HPSE2: variants seen among roughly 807,000 people sequenced by gnomAD.
HPSE2 encodes the protein inactive heparanase-2.
HPSE2 carries 38 observed loss-of-function variants against 60.5 expected under a neutral mutation model. That is an observed-to-expected ratio of 0.63 (90% confidence interval 0.48 to 0.82). The LOEUF is 0.82. HPSE2 is among the 40% of genes least tolerant of loss of function. The probability of loss-of-function intolerance (pLI) is 0.00; values close to 1 mark genes in which losing one functional copy is unlikely to be tolerated. For synonymous variants in HPSE2, 295 were observed against 293.2 expected, an observed-to-expected ratio of 1.01 and a Z score of -0.06; for missense variants, 713 against 740.4, an observed-to-expected ratio of 0.96 and a Z score of 0.43.
intron 9 of HPSE2, among the ~76,000 whole-genome samples, chr10:98,564,377 G>T (rs906602291): frequency 1.3e-5 from 2 of 152,106 alleles, no homozygotes; most frequent in Non-Finnish European, 1.5e-5. Context: ...GCATTTTTTT[G>T]AGGATGAAGT....
At chr10:98,731,672 T>C (rs1039614203) in intron 4 of HPSE2, among the ~76,000 whole-genome samples, 6 of 152,152 alleles carry the variant, frequency 3.9e-5, no homozygotes, top group African/African-American at 1.2e-4. Flanking sequence ...AACATCATAC[T>C]TAATGGTGAA....
the HPSE2 span, among the ~76,000 whole-genome samples, chr10:99,264,038 C>T: frequency 9.4e-3 from 1,425 of 152,086 alleles, 15 homozygotes; most frequent in Admixed American, 0.034. Context: ...ATCTCAACCA[C>T]GCTATCAATC....
intron 9 of HPSE2, among the ~76,000 whole-genome samples, chr10:98,546,497 C>G (rs1943679912): frequency 6.6e-6 from 1 of 151,440 alleles, no homozygotes; most frequent in African/African-American, 2.4e-5. Flanking sequence ...AGAAATAACG[C>G]CGCATACCTA....
chr10:99,218,886 G>C (rs1849221464), intron 2 of HPSE2, among the ~76,000 whole-genome samples: 1 of 152,104 alleles, frequency 6.6e-6, no homozygotes, highest in Admixed American at 6.5e-5. Context: ...ATTCGTAATG[G>C]CCAGGCAAAT....
At chr10:98,575,283 A>G (rs1944611355) in intron 9 of HPSE2, among the ~76,000 whole-genome samples, 1 of 152,324 alleles carries the variant, frequency 6.6e-6, no homozygotes, top group East Asian at 1.9e-4. Context: ...CTAGGATTGG[A>G]ATACAGGTAC....
Position 99,170,888 on chromosome 10 carries a change from T to G in HPSE2, c.449-26489A>C, listed in dbSNP as rs7077818. ...TTGTGTCTATACAGGTACAGACTTTTTCTTGTCATTATTCTCTAAACAATA... is the reference window on the plus strand; with the variant it reads ...TTGTGTCTATACAGGTACAGACTTTGTCTTGTCATTATTCTCTAAACAATA... On this transcript the variant is annotated intron_variant, in intron 2 of 11. Transcript: ENST00000370552. Among the ~76,000 whole-genome samples the G allele has an allele frequency of 1.8e-3, 272 of 152,348 alleles. 2 individuals are homozygous for G. The highest frequency in any genetic ancestry group is 6.3e-3 in the African/African-American group (264 of 41,584).
At chr10:98,963,573 C>T (rs1955737116) in intron 3 of HPSE2, among the ~76,000 whole-genome samples, 1 of 152,060 alleles carries the variant, frequency 6.6e-6, no homozygotes, top group Non-Finnish European at 1.5e-5. Context: ...CTTGTGCCAC[C>T]TTGTTTTATA....
At chr10:98,879,906 CTACT>C (rs987429846) in intron 3 of HPSE2, among the ~76,000 whole-genome samples, 1 of 147,792 alleles carries the variant, frequency 6.8e-6, no homozygotes, top group Non-Finnish European at 1.5e-5. Flanking sequence ...CTGCAGAATC[CTACT>C]CCACCAGGGA....
At chr10:99,159,988 A>C (rs1846757614) in intron 2 of HPSE2, among the ~76,000 whole-genome samples, 1 of 151,846 alleles carries the variant, frequency 6.6e-6, no homozygotes, top group Non-Finnish European at 1.5e-5. Flanking sequence ...TAAAAATATA[A>C]AAGTTAGCCA....
At chr10:98,475,310 C>T (rs941440989) in intron 11 of HPSE2, among the ~76,000 whole-genome samples, 3 of 151,948 alleles carry the variant, frequency 2.0e-5, no homozygotes, top group Admixed American at 1.3e-4. Flanking sequence ...TTAGTACAGA[C>T]GGGGTTTCAC....
At chr10:98,521,325 A>G (rs1942785435) in intron 9 of HPSE2, among the ~76,000 whole-genome samples, 1 of 152,240 alleles carries the variant, frequency 6.6e-6, no homozygotes, top group Non-Finnish European at 1.5e-5. Context: ...TGGGCAAAGG[A>G]TATGAACAGA....
chr10:99,247,935 T>C, the HPSE2 span, among the ~76,000 whole-genome samples: 2 of 152,232 alleles, frequency 1.3e-5, no homozygotes, highest in African/African-American at 2.4e-5. Flanking sequence ...ACTTCTGCCA[T>C]GATTGTAAGT....
In HPSE2 at chr10:99,208,179, A is replaced by T. The variant is rs182566198; in HGVS notation, c.448+24169T>A. 1.2e-4 allele frequency among the ~76,000 whole-genome samples: 18 copies of T among 152,178 alleles called. 1 individual carries two copies. In the East Asian group the frequency reaches 3.5e-3, roughly 29 times the overall value. ...ATAGTAACTGAAAGTTCAGAAAGCAAAACGATGGACAAAAAGAAACTATTG... is the reference window on the plus strand; with the variant it reads ...ATAGTAACTGAAAGTTCAGAAAGCATAACGATGGACAAAAAGAAACTATTG... On this transcript the variant is annotated intron_variant, in intron 2 of 11. Transcript: ENST00000370552.
intron 3 of HPSE2, among the ~76,000 whole-genome samples, chr10:98,788,830 C>G (rs1040509090): frequency 1.3e-5 from 2 of 151,320 alleles, no homozygotes; most frequent in East Asian, 2.0e-4. Flanking sequence ...ACACACTGGC[C>G]TGCACCCACT....
intron 9 of HPSE2, among the ~76,000 whole-genome samples, chr10:98,611,499 G>A (rs142577332): frequency 1.6e-3 from 242 of 152,252 alleles, no homozygotes; most frequent in Middle Eastern, 0.01. Context: ...TCCCCTAAGC[G>A]CTTAACAAAC....
At chr10:98,706,005 A>G (rs545970280) in intron 5 of HPSE2, among the ~76,000 whole-genome samples, 2 of 152,364 alleles carry the variant, frequency 1.3e-5, no homozygotes, top group South Asian at 4.1e-4. Flanking sequence ...ACTGACATTA[A>G]TAGAGCTTTG....
chr10:98,854,288 T>G (rs561700865), intron 3 of HPSE2, among the ~76,000 whole-genome samples: 1 of 152,194 alleles, frequency 6.6e-6, no homozygotes, highest in African/African-American at 2.4e-5. Context: ...GAGAATTATC[T>G]CAAGGGTCAA....
At chr10:98,944,281 A>G (rs543383087) in intron 3 of HPSE2, among the ~76,000 whole-genome samples, 6 of 152,292 alleles carry the variant, frequency 3.9e-5, no homozygotes, top group African/African-American at 1.2e-4. Flanking sequence ...GCAAGGAGGC[A>G]GGAAAGAGCT....
intron 3 of HPSE2, among the ~76,000 whole-genome samples, chr10:98,778,297 A>AGAGAGAGAGAGAGAGAGAGG (rs1950390702): frequency 1.3e-5 from 2 of 150,748 alleles, no homozygotes; most frequent in African/African-American, 2.4e-5. Context: ...AGAGAGAGAG[A>AGAGAGAGAGAGAGAGAGAGG]AAGCAAGAAA....
Sources: gnomAD v4.1 joint callset for allele counts (sites outside exome capture counted in the v4.1 genomes callset) on GRCh38, gnomAD v4.1.1 for gene constraint, MANE v1.5 for transcripts, NCBI Gene and HGNC (gene_info 2026-07-23, HGNC 2026-07-21) for gene names.